Variants in PPP2R1B observed in about 807,000 individuals in gnomAD.
The protein encoded by PPP2R1B is protein phosphatase 2 scaffold subunit Abeta.
In PPP2R1B, 58 loss-of-function variants were observed where a neutral mutation model predicts 72.7. That is an observed-to-expected ratio of 0.80 (90% confidence interval 0.65 to 0.99). PPP2R1B has a LOEUF of 0.99. PPP2R1B is among the 50% of genes least tolerant of loss of function. The probability of loss-of-function intolerance (pLI) is 0.00; values close to 1 mark genes in which losing one functional copy is unlikely to be tolerated. For synonymous variants in PPP2R1B, 256 were observed against 264.6 expected, an observed-to-expected ratio of 0.97 and a Z score of 0.32; for missense variants, 695 against 733.6, an observed-to-expected ratio of 0.95 and a Z score of 0.61.
At chr11:111,695,469 T>C in the PPP2R1B span, among the ~76,000 whole-genome samples, 1 of 152,228 alleles carries the variant, frequency 6.6e-6, no homozygotes, top group Non-Finnish European at 1.5e-5. Flanking sequence ...TAATCTCCTA[T>C]TTAAATAAAA....
chr11:111,755,933 G>A (rs540543413), intron 5 of PPP2R1B, among the ~76,000 whole-genome samples: 5 of 151,418 alleles, frequency 3.3e-5, no homozygotes, highest in South Asian at 4.2e-4. Context: ...TCCCGGCCGG[G>A]CCCAGTGGCT....
At chr11:111,693,597 A>C in the PPP2R1B span, among the ~76,000 whole-genome samples, 2 of 152,208 alleles carry the variant, frequency 1.3e-5, no homozygotes, top group Non-Finnish European at 2.9e-5. Flanking sequence ...AACTTTCCCA[A>C]TCTAAAATGT....
chr11:111,743,531 C>T lies in PPP2R1B; in HGVS notation c.1400-1G>A, dbSNP rs900406350. On this transcript the variant is annotated splice_acceptor_variant, in intron 11 of 14. Transcript: ENST00000527614. LOFTEE classifies it high-confidence loss of function. ...GTGGCAGCTTCTCGGATGGCGTATACTGCAGAAGAGGTCAAAAACATGTTC... is the reference window on the plus strand; with the variant it reads ...GTGGCAGCTTCTCGGATGGCGTATATTGCAGAAGAGGTCAAAAACATGTTC... 4.2e-5 allele frequency: 67 copies of T among 1,602,554 alleles called. No homozygotes were observed. Among genetic ancestry groups the T allele is most frequent in the Non-Finnish European group, 5.2e-5 (61 of 1,177,228 alleles).
At position 111,738,159 on chromosome 11, in the gene PPP2R1B, C is replaced by A; in HGVS notation, c.*3437G>T. On this transcript the variant is annotated 3_prime_UTR_variant, in exon 15 of 15. Transcript: ENST00000527614. ...CTGGAGAATCAAAGGGAAACAGTTA[C>A]ATCACATCAGACTGCAGTCACCTCA... The A allele has an allele frequency of 1.0e-6, 1 of 986,890 alleles. No individual in the cohort carries two copies. Among genetic ancestry groups the A allele is most frequent in the Non-Finnish European group, 1.2e-6 (1 of 830,858 alleles). 61.1% of individuals were successfully genotyped at this position (986,890 alleles called of 1,614,324 possible).
At chr11:111,763,630 T>C (rs11601674) in intron 3 of PPP2R1B, among the ~76,000 whole-genome samples, 38,668 of 152,100 alleles carry the variant, frequency 0.25, 5,158 homozygotes, top group Middle Eastern at 0.31. Context: ...ATGGATTAGA[T>C]GTGTGGAACA....
chr11:111,712,175 A>AT, the PPP2R1B span: 6 of 1,594,168 alleles, frequency 3.8e-6, no homozygotes, highest in Non-Finnish European at 5.1e-6. Flanking sequence ...GAAGGTATTC[A>AT]TGTTCCCAAA....
At chr11:111,725,567 T>A (rs1943938986), downstream of PPP2R1B, 1 of 152,678 alleles carries the variant, frequency 6.5e-6, no homozygotes, top group African/African-American at 2.4e-5. Flanking sequence ...CTAAAGATGA[T>A]CATTTCTGCC....
At chr11:111,752,395 C>A in intron 9 of PPP2R1B, 63 bp from the exon 10 acceptor site, 3 of 1,461,400 alleles carry the variant, frequency 2.1e-6, no homozygotes, top group Non-Finnish European at 2.7e-6. Flanking sequence ...CAACAGTCTC[C>A]TGTCAGGGTA....
intron 15 of PPP2R1B, chr11:111,729,705 T>C (rs1439350277): frequency 6.6e-6 from 1 of 152,204 alleles, no homozygotes; most frequent in Non-Finnish European, 1.5e-5. Context: ...ACAGGGTGAA[T>C]GTGATATTGT....
In PPP2R1B at chr11:111,760,824, G is replaced by T; in HGVS notation, c.534C>A (p.Ile178=). ...PRASNAVKAE[I]RQQFRSLCSD... ...AAAAAAATACCATGGCTTACTGTCT[G>T]ATTTCTGCTTTAACAGCATTTGATG... The change falls in exon 4 of 15, where the codon ATC becomes ATA. Residue 178 remains isoleucine (I), a synonymous_variant. Coordinates refer to ENST00000527614, the MANE Select transcript of PPP2R1B (RefSeq NM_002716.5). 6.2e-7 allele frequency: 1 copy of T among 1,613,716 alleles called. No individual in the cohort carries two copies. The highest frequency in any genetic ancestry group is 8.5e-7 in the Non-Finnish European group (1 of 1,179,776).
chr11:111,710,766 A>G, the PPP2R1B span, among the ~76,000 whole-genome samples: 5 of 152,338 alleles, frequency 3.3e-5, no homozygotes, highest in African/African-American at 1.2e-4. Flanking sequence ...AGGAAACCTG[A>G]TTAAGGTCAC....
At chr11:111,734,746 G>T (rs1944291034), downstream of PPP2R1B, among the ~76,000 whole-genome samples, 1 of 152,206 alleles carries the variant, frequency 6.6e-6, no homozygotes, top group Non-Finnish European at 1.5e-5. Flanking sequence ...AAAATCCGCT[G>T]GCCAAGAGGT....
chr11:111,701,100 A>C, the PPP2R1B span: 1 of 1,477,492 alleles, frequency 6.8e-7, no homozygotes, highest in African/African-American at 1.4e-5. This position sits in a 1 kb window ranked among gnomAD's most constrained non-coding sequence, Gnocchi z 4.2. Context: ...GGTACTTAAC[A>C]CATAAGCAGT....
chr11:111,748,935 C>T (rs1591689011), intron 10 of PPP2R1B, among the ~76,000 whole-genome samples: 1 of 152,122 alleles, frequency 6.6e-6, no homozygotes, highest in African/African-American at 2.4e-5. Context: ...CAACCTCCAC[C>T]TCCCGGGTTC....
the PPP2R1B span, among the ~76,000 whole-genome samples, chr11:111,717,611 T>C: frequency 6.6e-6 from 1 of 152,178 alleles, no homozygotes. Flanking sequence ...CAAAGGAATG[T>C]AAATCATTCT....
At position 111,737,951 on chromosome 11, in the gene PPP2R1B, T is replaced by A. The variant is rs561922499; in HGVS notation, c.*3645A>T. 99 of 1,032,400 alleles carry A rather than the reference T, an allele frequency of 9.6e-5. No individual in the cohort carries two copies. In the African/African-American group the frequency reaches 1.5e-3, roughly 16 times the overall value. 64.0% of individuals were successfully genotyped at this position (1,032,400 alleles called of 1,614,324 possible). ...CTTGGCTTTCCGACGCAATGAGTAA[T>A]TAAACTCTATTCGTCCTCCGGAAGA... On this transcript the variant is annotated 3_prime_UTR_variant, in exon 15 of 15. Coordinates refer to ENST00000527614, the MANE Select transcript of PPP2R1B (RefSeq NM_002716.5).
Position 111,739,111 on chromosome 11 carries a change from G to A in PPP2R1B, c.*2485C>T, listed in dbSNP as rs1299973232. Reference sequence around the variant, plus strand: ...AATCTTTCTGTCAGTGGGAGAATAAGACACAGTCTGGTTCTTTTGATTATT... The same window carrying A: ...AATCTTTCTGTCAGTGGGAGAATAAAACACAGTCTGGTTCTTTTGATTATT... On this transcript the variant is annotated 3_prime_UTR_variant, in exon 15 of 15. Transcript: ENST00000527614. 1 of 985,230 alleles carries A rather than the reference G, an allele frequency of 1.0e-6. No individual in the cohort carries two copies. The highest frequency in any genetic ancestry group is 1.2e-6 in the Non-Finnish European group (1 of 829,916). The allele number at this position is 985,230 out of a possible 1,614,324, so 61.0% of individuals were successfully genotyped here. A position where few individuals can be genotyped will look rare whatever the true frequency, so the allele number is the denominator to read the frequency against.
chr11:111,715,342 A>T, the PPP2R1B span, among the ~76,000 whole-genome samples: 1 of 152,198 alleles, frequency 6.6e-6, no homozygotes, highest in East Asian at 1.9e-4. Context: ...TCAGAGACAC[A>T]GTTCCCTTTT....
At position 111,755,146 on chromosome 11, in the gene PPP2R1B, A is replaced by G. The variant is rs917485156; in HGVS notation, c.844-52T>C. The G allele has an allele frequency of 3.2e-6, 5 of 1,548,756 alleles. No individual in the cohort carries two copies. In the African/African-American group the frequency reaches 6.9e-5, roughly 21 times the overall value. ...ATGTATACTAACAAAAGAATTAACA[A>G]GAACAAAACAAAATTGTGCAATCTG... is the stretch of plus-strand genomic sequence containing the variant. On this transcript the variant is annotated intron_variant, in intron 6 of 14. Coordinates refer to ENST00000527614, the MANE Select transcript of PPP2R1B (RefSeq NM_002716.5).
Sources: allele counts gnomAD v4.1 joint callset (sites outside exome capture counted in the v4.1 genomes callset), GRCh38; gene constraint gnomAD v4.1.1; non-coding constraint Gnocchi (gnomAD v3.1); transcripts MANE v1.5; gene names NCBI Gene and HGNC (gene_info 2026-07-23, HGNC 2026-07-21).